CDC42SE2: variants seen among roughly 807,000 people sequenced by gnomAD.
CDC42SE2 encodes CDC42 small effector 2, also known as CDC42 small effector protein 2.
In CDC42SE2, 3 loss-of-function variants were observed where a neutral mutation model predicts 11.5. That is an observed-to-expected ratio of 0.26 (90% CI 0.12 to 0.67). The LOEUF is 0.67. Among genes scored for constraint, CDC42SE2 ranks in the 30% least tolerant of loss-of-function variants. The pLI is 0.80. For missense variants in CDC42SE2, 82 were observed against 106.8 expected, an observed-to-expected ratio of 0.77 and a Z score of 1.02; for synonymous variants, 33 against 34.8, an observed-to-expected ratio of 0.95 and a Z score of 0.18.
In CDC42SE2 at chr5:131,392,477, A is replaced by G. The variant is rs1750689477; in HGVS notation, c.*1386A>G. 1.3e-5 allele frequency: 2 copies of G among 152,538 alleles called. No individual in the cohort carries two copies. The allele number at this position is 152,538 out of a possible 1,614,324, so 9.4% of individuals were successfully genotyped here. A position where few individuals can be genotyped will look rare whatever the true frequency, so the allele number is the denominator to read the frequency against. ...ACCAAGTCACATCATTTTCATAGAAAAAGATTACTTGTAGCTTATTTTAGA... is the reference window on the plus strand; with the variant it reads ...ACCAAGTCACATCATTTTCATAGAAGAAGATTACTTGTAGCTTATTTTAGA... On this transcript the variant is annotated 3_prime_UTR_variant, in exon 5 of 5. Coordinates refer to ENST00000505065, the MANE Select transcript of CDC42SE2 (RefSeq NM_001375635.1).
the CDC42SE2 span, among the ~76,000 whole-genome samples, chr5:131,222,668 T>A: frequency 6.6e-6 from 1 of 152,344 alleles, no homozygotes; most frequent in East Asian, 1.9e-4. Flanking sequence ...CAATCTTGTT[T>A]TGGCCTCAGA....
At chr5:131,268,296 C>T (rs1035539110) in intron 1 of CDC42SE2, among the ~76,000 whole-genome samples, 17 of 151,904 alleles carry the variant, frequency 1.1e-4, no homozygotes, top group African/African-American at 4.1e-4. Flanking sequence ...CTCTTGACCT[C>T]AGGTGATCCA....
intron 1 of CDC42SE2, among the ~76,000 whole-genome samples, chr5:131,279,563 T>C (rs1327272388): frequency 6.6e-6 from 1 of 151,846 alleles, no homozygotes; most frequent in Non-Finnish European, 1.5e-5. Flanking sequence ...CTTTCTCTGA[T>C]AATTTACTTT....
At chr5:131,237,800 G>C in the CDC42SE2 span, among the ~76,000 whole-genome samples, 2 of 152,040 alleles carry the variant, frequency 1.3e-5, no homozygotes, top group African/African-American at 4.8e-5. Flanking sequence ...TATTGCCCAG[G>C]CTTCTTCCAA....
chr5:131,318,946 G>A (rs183007435), intron 2 of CDC42SE2, among the ~76,000 whole-genome samples: 22 of 152,012 alleles, frequency 1.4e-4, no homozygotes, highest in South Asian at 4.2e-4. Flanking sequence ...CTGTTGCACC[G>A]GCTGGAGTGC....
chr5:131,335,420 G>T (rs989862748), intron 2 of CDC42SE2, among the ~76,000 whole-genome samples: 34 of 152,288 alleles, frequency 2.2e-4, no homozygotes, highest in African/African-American at 8.2e-4. Context: ...GTGTGGTGTG[G>T]TGCTGAGAAG....
At chr5:131,369,569 C>T (rs1749958644) in intron 3 of CDC42SE2, among the ~76,000 whole-genome samples, 1 of 152,170 alleles carries the variant, frequency 6.6e-6, no homozygotes, top group South Asian at 2.1e-4. Flanking sequence ...ATATCCTCTT[C>T]AACACGTGGT....
rs1226805541 is a variant in CDC42SE2, at chr5:131,393,489, A to AAAGT, written c.*2403_*2406dup. 5 of 152,356 alleles carry AAAGT rather than the reference A, an allele frequency of 3.3e-5. No individual in the cohort carries two copies. Among genetic ancestry groups the AAAGT allele is most frequent in the African/African-American group, 9.7e-5 (4 of 41,448 alleles). 9.4% of individuals were successfully genotyped at this position (152,356 alleles called of 1,614,324 possible). On this transcript the variant is annotated 3_prime_UTR_variant, in exon 5 of 5. Transcript: ENST00000505065. ...TGCAGTTTGTTTAATAACAACTTCTAAAGTAAGTTGAATTCATCCATTGTC... is the reference window on the plus strand; with the variant it reads ...TGCAGTTTGTTTAATAACAACTTCTAAAGTAAGTAAGTTGAATTCATCCATTGTC...
At chr5:131,255,872 A>G (rs946288872) in intron 2 of CDC42SE2, among the ~76,000 whole-genome samples, 1 of 152,224 alleles carries the variant, frequency 6.6e-6, no homozygotes, top group Non-Finnish European at 1.5e-5. Context: ...GAATTATTAA[A>G]TTTAATTCTT....
intron 1 of CDC42SE2, among the ~76,000 whole-genome samples, chr5:131,271,615 A>T (rs184127512): frequency 1.3e-3 from 205 of 152,302 alleles, no homozygotes; most frequent in Non-Finnish European, 2.3e-3. Flanking sequence ...ACCCATGGAT[A>T]CCGAGGGATG....
the CDC42SE2 span, among the ~76,000 whole-genome samples, chr5:131,221,284 T>G: frequency 6.6e-6 from 1 of 151,196 alleles, no homozygotes; most frequent in African/African-American, 2.4e-5. Flanking sequence ...CATAAAACAT[T>G]ATGAGATTTT....
chr5:131,316,438 G>A (rs1035480436), intron 2 of CDC42SE2, among the ~76,000 whole-genome samples: 5 of 152,168 alleles, frequency 3.3e-5, no homozygotes, highest in African/African-American at 7.2e-5. Flanking sequence ...TTCAGCCAGC[G>A]CTGAAATGAT....
chr5:131,265,350 C>G (rs1478787861), intron 1 of CDC42SE2, among the ~76,000 whole-genome samples: 1 of 152,004 alleles, frequency 6.6e-6, no homozygotes, highest in Non-Finnish European at 1.5e-5. Flanking sequence ...TTTTGAAACC[C>G]AGCTTTCTGT....
intron 3 of CDC42SE2, among the ~76,000 whole-genome samples, chr5:131,381,310 CTGTTTTTTTT>C (rs1429380596): frequency 7.9e-5 from 9 of 114,174 alleles, no homozygotes; most frequent in Non-Finnish European, 3.2e-5. Flanking sequence ...CAACCAAGTG[CTGTTTTTTTT>C]TGTTTTTTTT....
At chr5:131,318,408 C>T (rs1645746654) in intron 2 of CDC42SE2, among the ~76,000 whole-genome samples, 1 of 152,040 alleles carries the variant, frequency 6.6e-6, no homozygotes, top group African/African-American at 2.4e-5. Flanking sequence ...TGTTTCCTAC[C>T]TAAGACAGTC....
intron 4 of CDC42SE2, among the ~76,000 whole-genome samples, chr5:131,389,874 T>C (rs1353320538): frequency 6.6e-6 from 1 of 152,222 alleles, no homozygotes; most frequent in Non-Finnish European, 1.5e-5. Flanking sequence ...ATATTGCTTG[T>C]GTTCCTTCTT....
At chr5:131,244,290 G>C (rs1756562044), upstream of CDC42SE2, among the ~76,000 whole-genome samples, 1 of 152,164 alleles carries the variant, frequency 6.6e-6, no homozygotes, top group South Asian at 2.1e-4. Flanking sequence ...GATAGAATAA[G>C]AAGACCCAAA....
At chr5:131,374,863 G>A (rs1225422998) in intron 3 of CDC42SE2, among the ~76,000 whole-genome samples, 1 of 152,064 alleles carries the variant, frequency 6.6e-6, no homozygotes, top group African/African-American at 2.4e-5. Context: ...TGGGACTTTG[G>A]CAAGTAATAT....
the CDC42SE2 span, among the ~76,000 whole-genome samples, chr5:131,214,917 A>C: frequency 6.6e-6 from 1 of 152,226 alleles, no homozygotes. Flanking sequence ...TGGATAGTGC[A>C]CAGAATTCAC....
Sources: gnomAD v4.1 joint callset for allele counts (sites outside exome capture counted in the v4.1 genomes callset) on GRCh38, gnomAD v4.1.1 for gene constraint, MANE v1.5 for transcripts, NCBI Gene and HGNC (gene_info 2026-07-23, HGNC 2026-07-21) for gene names.